The following ERG variants were observed in gnomAD, a reference collection of about 807,000 sequenced individuals.
ERG encodes the protein transcriptional regulator ERG.
A neutral mutation model predicts 55.3 loss-of-function variants in ERG; 9 were observed. That is an observed-to-expected ratio of 0.16 (90% CI 0.10 to 0.28). The LOEUF (loss-of-function observed/expected upper bound fraction) is 0.28. Among genes scored for constraint, ERG ranks in the 10% least tolerant of loss-of-function variants. The probability of loss-of-function intolerance (pLI) is 1.00; values close to 1 mark genes in which losing one functional copy is unlikely to be tolerated. For synonymous variants in ERG, 223 were observed against 237.3 expected, an observed-to-expected ratio of 0.94 and a Z score of 0.55; for missense variants, 434 against 631.6, an observed-to-expected ratio of 0.69 and a Z score of 3.35.
chr21:38,653,894 A>T (rs532655941), intron 1 of ERG, among the ~76,000 whole-genome samples: 98 of 152,358 alleles, frequency 6.4e-4, no homozygotes, highest in Non-Finnish European at 1.1e-3. Flanking sequence ...ATACAATGTA[A>T]TGCTTAATTT....
At chr21:38,589,196 A>G (rs1188933815), upstream of ERG, among the ~76,000 whole-genome samples, 1 of 151,976 alleles carries the variant, frequency 6.6e-6, no homozygotes, top group East Asian at 1.9e-4. Context: ...CAGAAAAGCT[A>G]CCCTCACTCC....
At chr21:38,510,419 T>C (rs574797438) in intron 2 of ERG, among the ~76,000 whole-genome samples, 1 of 152,378 alleles carries the variant, frequency 6.6e-6, no homozygotes, top group East Asian at 1.9e-4. Context: ...CTTTTTATTT[T>C]ACTATTTTTC....
chr21:38,561,150 T>C (rs1310134948), intron 2 of ERG, among the ~76,000 whole-genome samples: 1 of 152,186 alleles, frequency 6.6e-6, no homozygotes, highest in African/African-American at 2.4e-5. Flanking sequence ...GTAACAGGTC[T>C]TTCTAAATCC....
intron 2 of ERG, among the ~76,000 whole-genome samples, chr21:38,440,350 A>G (rs1337485222): frequency 1.3e-5 from 2 of 152,224 alleles, no homozygotes; most frequent in Non-Finnish European, 2.9e-5. Flanking sequence ...ACTGCTCTGC[A>G]GCATCTCATC....
At chr21:38,582,409 T>C (rs1311634861) in intron 1 of ERG, among the ~76,000 whole-genome samples, 1 of 152,170 alleles carries the variant, frequency 6.6e-6, no homozygotes, top group Non-Finnish European at 1.5e-5. Flanking sequence ...CAGTGTTGAA[T>C]GACTGGTTGG....
intron 1 of ERG, among the ~76,000 whole-genome samples, chr21:38,474,652 T>C (rs1026807881): frequency 2.0e-5 from 3 of 152,038 alleles, no homozygotes; most frequent in African/African-American, 7.3e-5. Context: ...CAAAAAGTCA[T>C]GAGACTCCTA....
At chr21:38,487,096 G>A (rs530223665) in intron 1 of ERG, among the ~76,000 whole-genome samples, 8 of 146,976 alleles carry the variant, frequency 5.4e-5, no homozygotes, top group East Asian at 2.0e-4. Context: ...TTTCTAAATC[G>A]TAACAAGTTC....
intron 2 of ERG, among the ~76,000 whole-genome samples, chr21:38,523,511 G>A (rs1020377629): frequency 5.9e-5 from 9 of 152,146 alleles, no homozygotes; most frequent in Non-Finnish European, 1.3e-4. Flanking sequence ...AGAGGCGGGG[G>A]CCAGGGTTGG....
At chr21:38,396,407 A>G (rs528903738) in intron 6 of ERG, among the ~76,000 whole-genome samples, 39 of 152,358 alleles carry the variant, frequency 2.6e-4, no homozygotes, top group African/African-American at 9.1e-4. Flanking sequence ...GAGAGATGCT[A>G]TGCAGTAGTT....
rs535965169 is a variant in ERG, at chr21:38,428,510, A to G, written c.237-4949T>C. Among the ~76,000 whole-genome samples the G allele has an allele frequency of 2.6e-5, 4 of 152,348 alleles. No homozygotes were observed. In the South Asian group the frequency reaches 8.3e-4, roughly 32 times the overall value. On this transcript the variant is annotated intron_variant, in intron 2 of 9. Transcript: ENST00000288319. ...TTCAATGCATTGTTTTATTGTGCAC[A>G]TGACAAAGAGTATGCTGTGCAGGGA... is the stretch of plus-strand genomic sequence containing the variant.
intron 1 of ERG, among the ~76,000 whole-genome samples, chr21:38,592,538 A>C (rs1049554160): frequency 2.0e-5 from 3 of 151,540 alleles, no homozygotes; most frequent in Non-Finnish European, 2.9e-5. Flanking sequence ...TTAATAGCCC[A>C]AAATGTGGGC....
chr21:38,639,250 G>A (rs2060408888), intron 1 of ERG, among the ~76,000 whole-genome samples: 1 of 152,106 alleles, frequency 6.6e-6, no homozygotes, highest in South Asian at 2.1e-4. Context: ...ATTTCCTAGT[G>A]AAGAGCATCC....
intron 3 of ERG, among the ~76,000 whole-genome samples, chr21:38,416,750 G>A (rs921041756): frequency 2.6e-5 from 4 of 152,374 alleles, no homozygotes; most frequent in Admixed American, 2.0e-4. Flanking sequence ...CATAAGAGGA[G>A]TGATTAATTT....
intron 2 of ERG, among the ~76,000 whole-genome samples, chr21:38,428,653 C>CCTTTTAAACATACACATA (rs936367940): frequency 4.6e-5 from 7 of 152,130 alleles, no homozygotes; most frequent in East Asian, 3.9e-4. Flanking sequence ...AGACTAGTTA[C>CCTTTTAAACATACACATA]CTTTTAAACA....
chr21:38,385,092 C>T (rs772608908), intron 9 of ERG, among the ~76,000 whole-genome samples: 66 of 152,298 alleles, frequency 4.3e-4, no homozygotes, highest in Non-Finnish European at 8.4e-4. Context: ...TCATTGAAAT[C>T]ATACAGATAC....
chr21:38,521,127 G>A (rs1324002360), intron 2 of ERG, among the ~76,000 whole-genome samples: 2 of 152,118 alleles, frequency 1.3e-5, no homozygotes, highest in South Asian at 2.1e-4. Flanking sequence ...GCACAGAGTC[G>A]AGGAGGAGGA....
At chr21:38,416,285 A>T (rs1989276599) in intron 3 of ERG, among the ~76,000 whole-genome samples, 1 of 152,264 alleles carries the variant, frequency 6.6e-6, no homozygotes, top group East Asian at 1.9e-4. Flanking sequence ...CAACTGTGGC[A>T]GGAAGACGGT....
At chr21:38,661,396 GGA>G (rs1261422814) in intron 1 of ERG, among the ~76,000 whole-genome samples, 1 of 152,220 alleles carries the variant, frequency 6.6e-6, no homozygotes, top group Non-Finnish European at 1.5e-5. Context: ...GCGTCCGGAG[GGA>G]GAGGCGCGGT....
chr21:38,610,386 C>T lies in ERG; in HGVS notation c.-149-25441G>A, dbSNP rs191286781. Among the ~76,000 whole-genome samples, 30 of 152,382 alleles carry T rather than the reference C, an allele frequency of 2.0e-4. No homozygotes were observed. The East Asian group carries it at 5.8e-3, about 29-fold the overall frequency. On this transcript the variant is annotated intron_variant, in intron 1 of 10. Coordinates refer to the ERG transcript ENST00000398910. Reference sequence around the variant, plus strand: ...ATGCGGGCTTCTATGCAAACGGCAACATTCACCATCCAAGAAAGTAAAGAG... The same window carrying T: ...ATGCGGGCTTCTATGCAAACGGCAATATTCACCATCCAAGAAAGTAAAGAG...
Sources: gnomAD v4.1 joint callset for allele counts (sites outside exome capture counted in the v4.1 genomes callset) on GRCh38, gnomAD v4.1.1 for gene constraint, MANE v1.5 for transcripts, NCBI Gene and HGNC (gene_info 2026-07-23, HGNC 2026-07-21) for gene names.